Variants in RCAN1 observed in about 807,000 individuals in gnomAD.
RCAN1 encodes calcipressin-1.
In RCAN1, 11 loss-of-function variants were observed where a neutral mutation model predicts 22.9. That is an observed-to-expected ratio of 0.48 (90% confidence interval 0.30 to 0.79). The LOEUF is 0.79. Among genes scored for constraint, RCAN1 ranks in the 30% least tolerant of loss-of-function variants. The pLI, the probability that RCAN1 is intolerant of heterozygous loss-of-function variation, is 0.06. For synonymous variants in RCAN1, 136 were observed against 142.3 expected (o/e 0.96, Z 0.32); for missense variants, 291 against 337.8 (o/e 0.86, Z 1.09).
rs968621257 is a variant in RCAN1, at chr21:34,614,591, C to T, written c.252+169G>A. On this transcript the variant is annotated intron_variant, in intron 1 of 3. Coordinates refer to ENST00000313806, the MANE Select transcript of RCAN1 (RefSeq NM_004414.7). This position sits in a 1 kb window ranked among gnomAD's most constrained non-coding sequence, Gnocchi z 6.0. ...TGCTAGGGGACCGGGACCCTCGGGG[C>T]GCCGTCCCCACGCCCCAGCCCTGAC... 1.2e-5 allele frequency: 12 copies of T among 1,002,148 alleles called. No individual in the cohort carries two copies. The highest frequency in any genetic ancestry group is 3.7e-6 in the Non-Finnish European group (3 of 813,252). 62.1% of individuals were successfully genotyped at this position (1,002,148 alleles called of 1,614,324 possible).
chr21:34,525,252 T>C, intron 1 of RCAN1: 1 of 1,550,718 alleles, frequency 6.4e-7, no homozygotes, highest in Non-Finnish European at 8.7e-7. Flanking sequence ...AGTCGGTCCC[T>C]GCCAGGCAGG....
intron 1 of RCAN1, among the ~76,000 whole-genome samples, chr21:34,589,272 G>A (rs1422785055): frequency 1.3e-5 from 2 of 152,172 alleles, no homozygotes; most frequent in East Asian, 1.9e-4. Context: ...ATATTTAATT[G>A]TAGATCCATT....
chr21:34,518,128 TA>T lies in RCAN1; in HGVS notation c.714del (p.Ile239SerfsTer89). 1 of 1,614,226 alleles carries T rather than the reference TA, an allele frequency of 6.2e-7. No homozygotes were observed. Among genetic ancestry groups the T allele is most frequent in the Non-Finnish European group, 8.5e-7 (1 of 1,180,044 alleles). ...MERMRRPKPKIIQTRRPEYTP... is the reference protein window; with the variant it reads ...MERMRRPKPKXIQTRRPEYTP... ...GTGTACTCCGGCCTCCTGGTCTGGA[TA>T]ATTTTTGGCTTAGGTCTCCTCATTC... is the stretch of plus-strand genomic sequence containing the variant. On this transcript the variant is annotated frameshift_variant, in exon 4 of 4. Transcript: ENST00000313806. LOFTEE classifies it high-confidence loss of function. The surrounding 1 kb of genome is among the most constrained non-coding windows in gnomAD (Gnocchi z 4.2).
intron 1 of RCAN1, among the ~76,000 whole-genome samples, chr21:34,602,141 G>A (rs1390915645): frequency 1.3e-5 from 2 of 152,094 alleles, no homozygotes; most frequent in African/African-American, 4.8e-5. Flanking sequence ...ACGTTACCAT[G>A]CTACATGCAA....
At chr21:34,567,602 G>A (rs1046882080) in intron 1 of RCAN1, among the ~76,000 whole-genome samples, 2 of 150,422 alleles carry the variant, frequency 1.3e-5, no homozygotes, top group African/African-American at 4.9e-5. Flanking sequence ...CGAAAGTTGA[G>A]AACACAAGCT....
intron 1 of RCAN1, among the ~76,000 whole-genome samples, chr21:34,527,814 T>A (rs1985159142): frequency 7.2e-6 from 1 of 138,756 alleles, no homozygotes; most frequent in African/African-American, 2.7e-5. Flanking sequence ...TAGGCATAAA[T>A]GGGTTAAGAG....
At chr21:34,532,399 A>T (rs7280739) in intron 1 of RCAN1, among the ~76,000 whole-genome samples, 1 of 152,136 alleles carries the variant, frequency 6.6e-6, no homozygotes, top group African/African-American at 2.4e-5. Context: ...AAGGTTTGTT[A>T]AGCACTCTCC....
chr21:34,552,493 C>T (rs533932960), intron 1 of RCAN1, among the ~76,000 whole-genome samples: 180 of 152,268 alleles, frequency 1.2e-3, no homozygotes, highest in Middle Eastern at 3.4e-3. Flanking sequence ...TTACCACAAA[C>T]GGCAAACAGG....
intron 1 of RCAN1, among the ~76,000 whole-genome samples, chr21:34,554,714 T>C (rs1333170757): frequency 6.6e-6 from 1 of 152,238 alleles, no homozygotes; most frequent in African/African-American, 2.4e-5. Context: ...GTTTTCATGA[T>C]GTTGATAAAG....
intron 1 of RCAN1, among the ~76,000 whole-genome samples, chr21:34,588,608 T>C (rs1987874807): frequency 6.6e-6 from 1 of 152,232 alleles, no homozygotes; most frequent in South Asian, 2.1e-4. Context: ...GTAGCCACTG[T>C]GCAGAACGGA....
intron 1 of RCAN1, among the ~76,000 whole-genome samples, chr21:34,579,937 T>C (rs1254655241): frequency 1.3e-5 from 2 of 152,110 alleles, no homozygotes; most frequent in South Asian, 2.1e-4. Flanking sequence ...CTCTGTAAAA[T>C]AGAAATAACC....
rs60116779 is a variant in RCAN1, at chr21:34,563,794, T to TAGAGAGAGAG, written c.253-40094_253-40085dup. ...AAATATATATATATATATATATATA[T>TAGAGAGAGAG]AGAGAGAGAGAGAGAGAGAGAGAGA... On this transcript the variant is annotated intron_variant, in intron 1 of 3. Coordinates refer to ENST00000313806, the MANE Select transcript of RCAN1 (RefSeq NM_004414.7). Among the ~76,000 whole-genome samples, 177 of 48,684 alleles carry TAGAGAGAGAG rather than the reference T, an allele frequency of 3.6e-3. 2 individuals carry two copies. The highest frequency in any genetic ancestry group is 7.4e-3 in the South Asian group (7 of 952). The allele number at this position is 48,684 out of a possible 152,430, so 31.9% of individuals were successfully genotyped here.
At chr21:34,573,061 T>C (rs1281896067) in intron 1 of RCAN1, among the ~76,000 whole-genome samples, 1 of 152,200 alleles carries the variant, frequency 6.6e-6, no homozygotes, top group Non-Finnish European at 1.5e-5. Context: ...ACTCTCCTCC[T>C]AGATCCAAGC....
chr21:34,596,464 G>T (rs956648971), intron 1 of RCAN1, among the ~76,000 whole-genome samples: 1 of 152,116 alleles, frequency 6.6e-6, no homozygotes, highest in Non-Finnish European at 1.5e-5. Context: ...CAGGGCTGTG[G>T]CTCCTGCATG....
chr21:34,597,658 G>A (rs576316519), intron 1 of RCAN1, among the ~76,000 whole-genome samples: 1 of 152,316 alleles, frequency 6.6e-6, no homozygotes, highest in African/African-American at 2.4e-5. Context: ...TGAAAGACTA[G>A]CGTGTTTCCA....
At chr21:34,563,935 T>C (rs901125708) in intron 1 of RCAN1, among the ~76,000 whole-genome samples, 2 of 150,754 alleles carry the variant, frequency 1.3e-5, no homozygotes, top group African/African-American at 2.4e-5. Flanking sequence ...CACTGCACTC[T>C]AGCGTGGGCG....
At chr21:34,558,342 T>C (rs1241898295) in intron 1 of RCAN1, among the ~76,000 whole-genome samples, 1 of 152,150 alleles carries the variant, frequency 6.6e-6, no homozygotes, top group Non-Finnish European at 1.5e-5. Context: ...GGCCAGGACT[T>C]CCTCTAGGAA....
chr21:34,561,772 C>T (rs1986798083), intron 1 of RCAN1, among the ~76,000 whole-genome samples: 1 of 152,190 alleles, frequency 6.6e-6, no homozygotes, highest in South Asian at 2.1e-4. Flanking sequence ...AACTCAAGAC[C>T]TGAATTTTAA....
chr21:34,533,019 G>A (rs1350719499), intron 1 of RCAN1, among the ~76,000 whole-genome samples: 2 of 150,140 alleles, frequency 1.3e-5, no homozygotes, highest in South Asian at 2.1e-4. Flanking sequence ...GGAGTGCAGT[G>A]GCACTATCTC....
Sources: allele counts gnomAD v4.1 joint callset (sites outside exome capture counted in the v4.1 genomes callset), GRCh38; gene constraint gnomAD v4.1.1; non-coding constraint Gnocchi (gnomAD v3.1); transcripts MANE v1.5; gene names NCBI Gene and HGNC (gene_info 2026-07-23, HGNC 2026-07-21).